SDF2: variants seen among roughly 807,000 people sequenced by gnomAD.
The protein encoded by SDF2 is stromal cell derived factor 2, also known as stromal cell-derived factor 2.
A neutral mutation model predicts 20.5 loss-of-function variants in SDF2; 12 were observed. That is an observed-to-expected ratio of 0.58 (90% CI 0.37 to 0.95). SDF2 has a LOEUF of 0.95. Among genes scored for constraint, SDF2 ranks in the 40% least tolerant of loss-of-function variants. The pLI, the probability that SDF2 is intolerant of heterozygous loss-of-function variation, is 0.01. For synonymous variants in SDF2, 100 were observed against 101.0 expected (o/e 0.99, Z 0.06); for missense variants, 238 against 263.1 (o/e 0.90, Z 0.66).
At chr17:28,649,335 G>A in intron 2 of SDF2, 59 bp from the exon 3 acceptor site, 1 of 1,524,618 alleles carries the variant, frequency 6.6e-7, no homozygotes, top group East Asian at 2.3e-5. Flanking sequence ...AAAAGGGGTG[G>A]GAGGCAATGG....
At chr17:28,661,083 TAAAAAAA>T (rs11385140) in intron 1 of SDF2, 26 of 314,522 alleles carry the variant, frequency 8.3e-5, no homozygotes, top group Non-Finnish European at 1.3e-4. Flanking sequence ...TTTCAAACGC[TAAAAAAA>T]AAAAAAAAAA....
Position 28,648,807 on chromosome 17 carries a change from A to G in SDF2, c.*182T>C. The G allele has an allele frequency of 1.6e-6, 1 of 631,424 alleles. No homozygotes were observed. The highest frequency in any genetic ancestry group is 2.0e-5 in the South Asian group (1 of 50,880). 39.1% of individuals were successfully genotyped at this position (631,424 alleles called of 1,614,324 possible). On this transcript the variant is annotated 3_prime_UTR_variant, in exon 3 of 3. Coordinates refer to ENST00000247020, the MANE Select transcript of SDF2 (RefSeq NM_006923.4). ...GAACTGACCCACGCAAGTCTGGGAG[A>G]GTGACTAGTTCAAATGTGCAGGGCT...
intron 1 of SDF2, chr17:28,660,718 AGTCTGACT>A (rs2072022126): frequency 6.4e-6 from 1 of 155,260 alleles, no homozygotes; most frequent in Non-Finnish European, 1.4e-5. Context: ...GTCCTTGCCT[AGTCTGACT>A]GATCAGATGG....
At chr17:28,651,153 C>T (rs1003339927) in intron 2 of SDF2, among the ~76,000 whole-genome samples, 1 of 152,220 alleles carries the variant, frequency 6.6e-6, no homozygotes, top group Admixed American at 6.5e-5. Flanking sequence ...TCTCTGCAAC[C>T]TCCACCTCTT....
rs769518864 is a variant in SDF2 at position 28,655,303 on chromosome 17, GGTGAA to G, written c.327_331del (p.Pro111PhefsTer11). On this transcript the variant is annotated frameshift_variant, in exon 2 of 3. Transcript: ENST00000247020. LOFTEE classifies it high-confidence loss of function. The stretch of plus-strand genomic sequence containing the variant: ...CCACCTCACCTGGTTTCCAGAAAGA[GGTGAA>G]GTGAAGTGGTGACTATGGAGGTTTC... 3.7e-5 allele frequency: 59 copies of G among 1,614,074 alleles called. No individual in the cohort carries two copies. Among genetic ancestry groups the G allele is most frequent in the Admixed American group, 1.5e-4 (9 of 60,008 alleles).
chr17:28,657,055 C>T (rs972760499), intron 1 of SDF2, among the ~76,000 whole-genome samples: 2 of 151,784 alleles, frequency 1.3e-5, no homozygotes, highest in Admixed American at 6.6e-5. Context: ...GGTGAAACCC[C>T]GTCTCTACTA....
Sources: gnomAD v4.1 joint callset for allele counts (sites outside exome capture counted in the v4.1 genomes callset) on GRCh38, gnomAD v4.1.1 for gene constraint, MANE v1.5 for transcripts, NCBI Gene and HGNC (gene_info 2026-07-23, HGNC 2026-07-21) for gene names.